USP34: variants seen among roughly 807,000 people sequenced by gnomAD.
USP34 encodes ubiquitin specific peptidase 34.
Under a neutral mutation model 460.3 loss-of-function variants are expected in USP34, and 70 were observed. The ratio of observed to expected loss-of-function variants is 0.15; its 90% CI spans 0.13 to 0.19. USP34 has a LOEUF of 0.19. Among genes scored for constraint, USP34 ranks in the 10% least tolerant of loss-of-function variants. The pLI is 1.00. For missense variants in USP34, 3,985 were observed against 4,236.2 expected (o/e 0.94, Z 1.65); for synonymous variants, 1,647 against 1,405.3 (o/e 1.17, Z -3.85).
Position 61,295,280 on chromosome 2 carries a change from C to T in USP34, c.4265G>A (p.Gly1422Glu). 1 of 1,596,512 alleles carries T rather than the reference C, an allele frequency of 6.3e-7. No individual in the cohort carries two copies. Among genetic ancestry groups the T allele is most frequent in the Non-Finnish European group, 8.5e-7 (1 of 1,173,788 alleles). The change falls in exon 31 of 80, where the codon GGA becomes GAA. Residue 1422 changes from glycine to glutamate, a missense_variant. By Grantham distance (98) the Gly-to-Glu change is moderately conservative (BLOSUM62 -2). Coordinates refer to ENST00000398571, the MANE Select transcript of USP34 (RefSeq NM_014709.4). ...QNISDEQSND[G>E]FNWKELLKIK... ...TTTGAGAAGTTCTTTCCAATTAAAT[C>T]CATCATTACTCTTAAATTAGAAAAA...
At chr2:61,459,003 T>C (rs564370846) in intron 1 of USP34, among the ~76,000 whole-genome samples, 1 of 151,840 alleles carries the variant, frequency 6.6e-6, no homozygotes, top group South Asian at 2.1e-4. Context: ...GAGGTGGAAG[T>C]TGCAGTGAGC....
intron 10 of USP34, among the ~76,000 whole-genome samples, chr2:61,354,015 C>T (rs1351292725): frequency 6.6e-6 from 1 of 152,106 alleles, no homozygotes; most frequent in African/African-American, 2.4e-5. Context: ...CCTAAGGGAC[C>T]TGTGGGATAC....
chr2:61,270,652 T>G (rs1326504360), intron 41 of USP34, among the ~76,000 whole-genome samples: 1 of 152,076 alleles, frequency 6.6e-6, no homozygotes, highest in Non-Finnish European at 1.5e-5. Flanking sequence ...GCCAGGCTGG[T>G]CTCAAACTCC....
chr2:61,199,398 A>G (rs1321224272), intron 75 of USP34, among the ~76,000 whole-genome samples: 1 of 152,014 alleles, frequency 6.6e-6, no homozygotes, highest in Admixed American at 6.6e-5. Flanking sequence ...TGGGATTTCA[A>G]GTGCCCGCCA....
Position 61,229,563 on chromosome 2 carries a change from G to A in USP34, c.7184C>T (p.Pro2395Leu), listed in dbSNP as rs746582240. The change falls in exon 59 of 80, where the codon CCA (proline) becomes CTA (leucine). Residue 2395 changes from proline to leucine, a missense_variant. Pro to Leu is a moderately conservative substitution (Grantham distance 98, BLOSUM62 -3). This residue lies in a region of USP34 where 604 missense variants were observed against 684.8 expected (regional missense o/e 0.88). Coordinates refer to ENST00000398571, the MANE Select transcript of USP34 (RefSeq NM_014709.4). ...RPVHAHLYLQ[P>L]GMEDGSDDMD... is the part of the protein sequence containing the mutation. Reference sequence around the variant, plus strand: ...TACTTCTTACCCATCTTCCATTCCTGGCTGCAAATAGAGATGAGCATGCAC... The same window carrying A: ...TACTTCTTACCCATCTTCCATTCCTAGCTGCAAATAGAGATGAGCATGCAC... 1 of 1,608,620 alleles carries A rather than the reference G, an allele frequency of 6.2e-7. No individual in the cohort carries two copies. The highest frequency in any genetic ancestry group is 1.1e-5 in the South Asian group (1 of 90,504).
In USP34 at chr2:61,423,796, T is replaced by A. The variant is rs183531361; in HGVS notation, c.44-2963A>T. ...CCATCTCTAAAAATATGTATATTTT[T>A]AAAAATTAGCCAGGCACGGTGGCAC... On this transcript the variant is annotated intron_variant, in intron 1 of 79. Coordinates refer to ENST00000398571, the MANE Select transcript of USP34 (RefSeq NM_014709.4). Among the ~76,000 whole-genome samples the A allele has an allele frequency of 2.8e-3, 424 of 152,172 alleles. 1 individual carries two copies. The highest frequency in any genetic ancestry group is 9.4e-3 in the African/African-American group (391 of 41,528).
intron 58 of USP34, among the ~76,000 whole-genome samples, chr2:61,231,303 G>A (rs143829348): frequency 1.4e-3 from 220 of 152,062 alleles, no homozygotes; most frequent in Middle Eastern, 6.8e-3. Flanking sequence ...GGTGGGGGGT[G>A]GGGGTGGCAA....
intron 15 of USP34, among the ~76,000 whole-genome samples, chr2:61,345,579 A>G (rs1228633414): frequency 1.3e-5 from 2 of 152,220 alleles, no homozygotes; most frequent in African/African-American, 2.4e-5. Flanking sequence ...TTGTGCACCA[A>G]TCACATTAGT....
At chr2:61,460,192 CCA>C (rs2104097695) in intron 1 of USP34, among the ~76,000 whole-genome samples, 1 of 152,264 alleles carries the variant, frequency 6.6e-6, no homozygotes, top group African/African-American at 2.4e-5. Flanking sequence ...CCATAGTTAA[CCA>C]CAGTCACTAT....
intron 33 of USP34, among the ~76,000 whole-genome samples, chr2:61,291,722 T>G (rs982791275): frequency 1.3e-5 from 2 of 152,164 alleles, no homozygotes; most frequent in African/African-American, 2.4e-5. Flanking sequence ...AAATACCACT[T>G]AAGTATTGGC....
At chr2:61,393,977 C>T (rs1006363565) in intron 5 of USP34, among the ~76,000 whole-genome samples, 4 of 151,908 alleles carry the variant, frequency 2.6e-5, no homozygotes, top group Admixed American at 6.6e-5. Context: ...AGAAATTAGC[C>T]GGGCATGGTG....
intron 1 of USP34, among the ~76,000 whole-genome samples, chr2:61,446,058 G>C (rs1435500832): frequency 2.8e-5 from 4 of 142,592 alleles, no homozygotes; most frequent in South Asian, 2.3e-4. Context: ...AGATTACAGT[G>C]AGCCAGGATT....
intron 75 of USP34, among the ~76,000 whole-genome samples, chr2:61,198,707 A>G (rs1558461700): frequency 6.6e-6 from 1 of 152,120 alleles, no homozygotes; most frequent in Non-Finnish European, 1.5e-5. Flanking sequence ...CATCTCTAAT[A>G]AAAATACAAA....
chr2:61,343,858 A>G lies in USP34; in HGVS notation c.2457T>C (p.His819=), dbSNP rs147042130. Residue 819 remains histidine, a synonymous_variant, in exon 16 of 80, where the codon CAT becomes CAC. Transcript: ENST00000398571. ...HAELTSHLQQ[H]LPNLASIYHE... ...GGTAAATGGAAGCTAAATTGGGAAG[A>G]TGTTGTTGGAGGTGAGATGTCAGTT... 6.2e-7 allele frequency: 1 copy of G among 1,614,014 alleles called. No homozygotes were observed. Among genetic ancestry groups the G allele is most frequent in the East Asian group, 2.2e-5 (1 of 44,840 alleles).
In USP34 at chr2:61,211,909, G is replaced by A; in HGVS notation, c.8703C>T (p.Asn2901=). The change falls in exon 69 of 80, where the codon AAC becomes AAT. Residue 2901 remains asparagine, a synonymous_variant. Transcript: ENST00000398571. ...QYPGAVEELF[N]LMQLFIAQRP... ...TCTGAGCTATAAACAGCTGCATCAG[G>A]TTAAACAGTTCTTCTACTGCCTAAA... 1.2e-6 allele frequency: 2 copies of A among 1,606,962 alleles called. No individual in the cohort carries two copies. The highest frequency in any genetic ancestry group is 8.5e-7 in the Non-Finnish European group (1 of 1,177,994).
chr2:61,354,982 T>C (rs1486179482), intron 10 of USP34, among the ~76,000 whole-genome samples: 2 of 152,148 alleles, frequency 1.3e-5, no homozygotes, highest in East Asian at 3.9e-4. Flanking sequence ...CATCCCTCTG[T>C]TGTTGCTGTA....
chr2:61,380,401 A>G, intron 6 of USP34, 40 bp from the exon 7 acceptor site: 1 of 1,568,294 alleles, frequency 6.4e-7, no homozygotes, highest in Middle Eastern at 1.7e-4. Context: ...AAAAATTCAT[A>G]AAGCATTTTT....
chr2:61,235,594 G>C (rs534513227), intron 57 of USP34, among the ~76,000 whole-genome samples: 1 of 152,008 alleles, frequency 6.6e-6, no homozygotes, highest in South Asian at 2.1e-4. Flanking sequence ...AAGGTGCTGG[G>C]GTTACAGGCG....
At chr2:61,399,743 G>A (rs960691824) in intron 3 of USP34, among the ~76,000 whole-genome samples, 3 of 151,522 alleles carry the variant, frequency 2.0e-5, no homozygotes, top group Admixed American at 6.6e-5. Flanking sequence ...CGTGGTGGCG[G>A]GCGCCTGTAA....
Sources: gnomAD v4.1 joint callset for allele counts (sites outside exome capture counted in the v4.1 genomes callset) on GRCh38, gnomAD v4.1.1 for gene constraint, gnomAD v4.1.1 regional missense constraint, MANE v1.5 for transcripts, NCBI Gene and HGNC (gene_info 2026-07-23, HGNC 2026-07-21) for gene names.